Variants in IL1RAPL2 observed in about 807,000 individuals in gnomAD.
The protein encoded by IL1RAPL2 is interleukin 1 receptor accessory protein like 2.
In IL1RAPL2, 3 loss-of-function variants were observed where a neutral mutation model predicts 44.1. The observed-to-expected ratio is 0.07, with a 90% CI of 0.03 to 0.18. The LOEUF (loss-of-function observed/expected upper bound fraction) is 0.18, where lower values mean the gene tolerates loss of function less well. Among genes scored for constraint, IL1RAPL2 ranks in the 10% least tolerant of loss-of-function variants. IL1RAPL2 has a pLI of 1.00. For synonymous variants in IL1RAPL2, 181 were observed against 178.8 expected, an observed-to-expected ratio of 1.01 and a Z score of -0.10; for missense variants, 391 against 496.4, an observed-to-expected ratio of 0.79 and a Z score of 2.02.
chrX:104,723,682 T>G (rs919729819), intron 2 of IL1RAPL2, among the ~76,000 whole-genome samples: 1 of 110,212 alleles, frequency 9.1e-6, no homozygotes, highest in African/African-American at 3.3e-5. Context: ...TGCCTGAGAT[T>G]TGGATGGAAA....
chrX:105,683,054 G>A (rs1293584147), intron 6 of IL1RAPL2, among the ~76,000 whole-genome samples: 3 of 111,907 alleles, frequency 2.7e-5, no homozygotes, highest in African/African-American at 9.7e-5. Flanking sequence ...GTTTTTGTGA[G>A]GAAACTTTGT....
At chrX:105,533,204 A>T (rs1468560887) in intron 6 of IL1RAPL2, among the ~76,000 whole-genome samples, 1 of 112,120 alleles carries the variant, frequency 8.9e-6, no homozygotes, top group African/African-American at 3.2e-5. Flanking sequence ...AAATAAAAAA[A>T]TAAAAAATAA....
intron 1 of IL1RAPL2, among the ~76,000 whole-genome samples, chrX:104,653,598 G>A (rs1930194122): frequency 9.0e-6 from 1 of 110,911 alleles, no homozygotes; most frequent in African/African-American, 3.3e-5. Flanking sequence ...GGAACTAGCT[G>A]CATTGGTTCA....
chrX:104,699,398 C>A (rs1034032857), intron 2 of IL1RAPL2, among the ~76,000 whole-genome samples: 3 of 111,597 alleles, frequency 2.7e-5, no homozygotes, highest in Non-Finnish European at 5.6e-5. Context: ...AGCCCACAAC[C>A]TAGATCCCTC....
At chrX:105,476,305 C>T (rs932281816) in intron 5 of IL1RAPL2, among the ~76,000 whole-genome samples, 2 of 112,556 alleles carry the variant, frequency 1.8e-5, no homozygotes, top group African/African-American at 3.2e-5. Flanking sequence ...CAGCAGTTCT[C>T]AATAATTTTA....
intron 2 of IL1RAPL2, among the ~76,000 whole-genome samples, chrX:105,103,192 C>T (rs180787431): frequency 8.9e-6 from 1 of 111,875 alleles, no homozygotes; most frequent in East Asian, 2.8e-4. Context: ...CATCATCTCA[C>T]CAAGTTAGTC....
rs191079376 is a variant in IL1RAPL2 at position 104,716,680 on chromosome X, A to G, written c.82+57685A>G. 4.4e-3 allele frequency among the ~76,000 whole-genome samples: 489 copies of G among 111,832 alleles called. 3 individuals are homozygous for G. Among genetic ancestry groups the G allele is most frequent in the African/African-American group, 0.015 (464 of 30,839 alleles). On this transcript the variant is annotated intron_variant, in intron 2 of 10. Transcript: ENST00000372582. ...ACAAGCATATGAAAAAAAGCCCAAC[A>G]TCACTGATTATTAGAGAAATGCAAA...
At chrX:104,723,019 T>A (rs192075806) in intron 2 of IL1RAPL2, among the ~76,000 whole-genome samples, 3 of 111,368 alleles carry the variant, frequency 2.7e-5, no homozygotes, top group Admixed American at 9.6e-5. Context: ...AGATTCCTTC[T>A]TTGCCATGCT....
At chrX:105,006,958 T>C (rs944904036) in intron 2 of IL1RAPL2, among the ~76,000 whole-genome samples, 6 of 111,467 alleles carry the variant, frequency 5.4e-5, no homozygotes, top group African/African-American at 9.7e-5. Context: ...AGAACAATCA[T>C]TGCAATTATA....
Position 105,454,097 on chromosome X carries a change from A to T in IL1RAPL2, c.698-30216A>T, listed in dbSNP as rs894007578. ...AGCACCCAACTGGGATCAGCTCAGA[A>T]CCAAGAGAGACTCCCCATTAGGATA... On this transcript the variant is annotated intron_variant, in intron 5 of 10. Transcript: ENST00000372582. Among the ~76,000 whole-genome samples the T allele has an allele frequency of 5.1e-4, 57 of 111,322 alleles. 1 individual carries two copies. The highest frequency in any genetic ancestry group is 1.3e-4 in the Non-Finnish European group (7 of 53,025).
At chrX:105,373,290 A>C (rs2035358668) in intron 5 of IL1RAPL2, among the ~76,000 whole-genome samples, 3 of 111,962 alleles carry the variant, frequency 2.7e-5, no homozygotes, top group African/African-American at 9.8e-5. Context: ...CTTTTTTTTC[A>C]TACAGTTGTT....
chrX:105,480,955 A>C (rs1421386046), intron 5 of IL1RAPL2, among the ~76,000 whole-genome samples: 1 of 112,018 alleles, frequency 8.9e-6, no homozygotes, highest in African/African-American at 3.2e-5. Flanking sequence ...TTAAAGAGGC[A>C]CCATAGCCTT....
At chrX:104,857,751 G>T (rs1251011537) in intron 2 of IL1RAPL2, among the ~76,000 whole-genome samples, 4 of 111,253 alleles carry the variant, frequency 3.6e-5, no homozygotes, top group Non-Finnish European at 7.6e-5. Context: ...TATTGCCTGT[G>T]TAGCACCTCT....
chrX:105,666,770 C>G (rs1249619537), intron 6 of IL1RAPL2, among the ~76,000 whole-genome samples: 1 of 111,478 alleles, frequency 9.0e-6, no homozygotes, highest in African/African-American at 3.3e-5. Flanking sequence ...TCCATATGGA[C>G]AGGCGCCCCT....
chrX:105,408,846 G>A (rs1272764978), intron 5 of IL1RAPL2, among the ~76,000 whole-genome samples: 4 of 100,225 alleles, frequency 4.0e-5, no homozygotes, highest in Non-Finnish European at 8.1e-5. Context: ...TAGATCTAAT[G>A]TATACAGCAT....
intron 2 of IL1RAPL2, among the ~76,000 whole-genome samples, chrX:104,863,144 T>A (rs1045769358): frequency 8.9e-6 from 1 of 111,806 alleles, no homozygotes; most frequent in Non-Finnish European, 1.9e-5. Flanking sequence ...AATACACTTA[T>A]TAATTTTCTG....
chrX:105,141,431 A>G (rs182753000), intron 2 of IL1RAPL2, among the ~76,000 whole-genome samples: 3 of 111,081 alleles, frequency 2.7e-5, no homozygotes, highest in Admixed American at 9.7e-5. Flanking sequence ...TTGCAACTCA[A>G]AAAAAATTTG....
chrX:104,870,718 G>A (rs921075592), intron 2 of IL1RAPL2, among the ~76,000 whole-genome samples: 1 of 111,626 alleles, frequency 9.0e-6, no homozygotes, highest in African/African-American at 3.3e-5. Flanking sequence ...CTATCTCCGT[G>A]ATTTTTCTCA....
chrX:104,584,681 T>G (rs1928472957), intron 1 of IL1RAPL2, among the ~76,000 whole-genome samples: 1 of 111,215 alleles, frequency 9.0e-6, no homozygotes. Context: ...GTAGTGACAT[T>G]TCCTATCCAA....
Sources: allele counts gnomAD v4.1 joint callset (sites outside exome capture counted in the v4.1 genomes callset), GRCh38; gene constraint gnomAD v4.1.1; transcripts MANE v1.5; gene names NCBI Gene and HGNC (gene_info 2026-07-23, HGNC 2026-07-21).